The following ZPBP variants were observed in gnomAD, a reference collection of about 807,000 sequenced individuals.
ZPBP encodes the protein zona pellucida binding protein.
A neutral mutation model predicts 44.8 loss-of-function variants in ZPBP; 26 were observed. The ratio of observed to expected loss-of-function variants is 0.58; its 90% CI spans 0.43 to 0.81. The LOEUF (loss-of-function observed/expected upper bound fraction) is 0.81, where lower values mean the gene tolerates loss of function less well. Among genes scored for constraint, ZPBP ranks in the 30% least tolerant of loss-of-function variants. ZPBP has a pLI of 0.00. For synonymous variants in ZPBP, 174 were observed against 153.2 expected (o/e 1.14, Z -1.00); for missense variants, 409 against 434.0 (o/e 0.94, Z 0.51).
intron 7 of ZPBP, among the ~76,000 whole-genome samples, chr7:49,972,248 A>G (rs1203997084): frequency 6.6e-6 from 1 of 151,654 alleles, no homozygotes; most frequent in Non-Finnish European, 1.5e-5. Context: ...AGCCAGAGAA[A>G]TTGGGCAAGA....
At chr7:49,864,954 G>A (rs1032152039) in intron 2 of ZPBP, among the ~76,000 whole-genome samples, 1 of 152,158 alleles carries the variant, frequency 6.6e-6, no homozygotes, top group African/African-American at 2.4e-5. Flanking sequence ...GACAGTTCCT[G>A]TTTGTTTTTC....
chr7:49,901,821 T>C (rs903594482), intron 1 of ZPBP, among the ~76,000 whole-genome samples: 4 of 146,038 alleles, frequency 2.7e-5, no homozygotes, highest in Non-Finnish European at 6.0e-5. Context: ...ATAGACACAT[T>C]GATCAATGGA....
At chr7:49,860,232 G>A (rs1362898309) in intron 2 of ZPBP, among the ~76,000 whole-genome samples, 4 of 151,978 alleles carry the variant, frequency 2.6e-5, no homozygotes, top group Admixed American at 6.5e-5. Context: ...GAAACCCTCC[G>A]CCTGTTAAGT....
chr7:50,031,398 G>C, intron 4 of ZPBP, 88 bp from the exon 5 acceptor site: 1 of 1,001,424 alleles, frequency 1.0e-6, no homozygotes, highest in Non-Finnish European at 1.5e-6. Flanking sequence ...ATCATTATTT[G>C]GTATGAATTC....
intron 6 of ZPBP, among the ~76,000 whole-genome samples, chr7:49,995,917 C>T (rs1270908852): frequency 6.6e-6 from 1 of 152,048 alleles, no homozygotes; most frequent in Non-Finnish European, 1.5e-5. Flanking sequence ...TGGATACAAA[C>T]ATAAAGTTAG....
intron 7 of ZPBP, chr7:49,944,256 A>T: frequency 2.8e-6 from 1 of 362,266 alleles, no homozygotes; most frequent in Non-Finnish European, 5.3e-6. Context: ...TTTGATTGAT[A>T]TTCCAGGGGC....
intron 1 of ZPBP, among the ~76,000 whole-genome samples, chr7:49,904,720 A>G (rs935976262): frequency 6.7e-6 from 1 of 149,740 alleles, no homozygotes; most frequent in Non-Finnish European, 1.5e-5. Context: ...AAAAAATAGC[A>G]ACATAGCATA....
chr7:50,018,343 T>C (rs1327255227), intron 5 of ZPBP, 27 bp from the exon 6 acceptor site: 2 of 1,448,332 alleles, frequency 1.4e-6, no homozygotes, highest in Non-Finnish European at 9.7e-7. Flanking sequence ...TATTTTATCA[T>C]GGGTATAATG....
intron 2 of ZPBP, among the ~76,000 whole-genome samples, chr7:49,856,262 C>G (rs956783097): frequency 5.3e-5 from 8 of 152,156 alleles, no homozygotes; most frequent in Admixed American, 3.3e-4. Flanking sequence ...GCTTGGTGCT[C>G]TCCCCTTGGT....
intron 6 of ZPBP, among the ~76,000 whole-genome samples, chr7:49,987,771 T>TGTGC (rs1241622116): frequency 7.7e-6 from 1 of 129,704 alleles, no homozygotes; most frequent in Non-Finnish European, 1.7e-5. Context: ...TGTGTGTGTG[T>TGTGC]GCAATGTCTA....
intron 7 of ZPBP, among the ~76,000 whole-genome samples, chr7:49,975,294 A>C (rs749023042): frequency 6.6e-6 from 1 of 152,114 alleles, no homozygotes; most frequent in Non-Finnish European, 1.5e-5. Context: ...ATCTAGGAAA[A>C]GGAATGGCCT....
chr7:49,973,410 A>G (rs575975874), intron 7 of ZPBP, among the ~76,000 whole-genome samples: 66 of 152,172 alleles, frequency 4.3e-4, no homozygotes, highest in African/African-American at 1.5e-3. Flanking sequence ...TACAACTCAC[A>G]GAATGGGGAG....
At chr7:49,953,303 G>T (rs1795431674) in intron 7 of ZPBP, among the ~76,000 whole-genome samples, 1 of 151,982 alleles carries the variant, frequency 6.6e-6, no homozygotes, top group African/African-American at 2.4e-5. Flanking sequence ...TTACACAACA[G>T]CAATCAGCAG....
At chr7:50,016,902 A>G (rs1798844250) in intron 6 of ZPBP, among the ~76,000 whole-genome samples, 1 of 152,166 alleles carries the variant, frequency 6.6e-6, no homozygotes, top group South Asian at 2.1e-4. Context: ...ATCCCAAGGA[A>G]GAGAGGTAAT....
chr7:50,059,589 G>C (rs1801143959), intron 3 of ZPBP, among the ~76,000 whole-genome samples: 1 of 152,148 alleles, frequency 6.6e-6, no homozygotes, highest in Non-Finnish European at 1.5e-5. Flanking sequence ...TATTTCAGCA[G>C]AAACACCTCG....
At chr7:49,888,914 AAAAAAC>A (rs1332339687) in intron 2 of ZPBP, among the ~76,000 whole-genome samples, 1 of 152,128 alleles carries the variant, frequency 6.6e-6, no homozygotes, top group Admixed American at 6.5e-5. Context: ...TTCATCTCAA[AAAAAAC>A]AAAAACAAAA....
chr7:49,992,425 T>C (rs1270660116), intron 6 of ZPBP, among the ~76,000 whole-genome samples: 4 of 152,054 alleles, frequency 2.6e-5, no homozygotes, highest in Non-Finnish European at 5.9e-5. Context: ...AAATAAACTA[T>C]TTGAAAACAC....
intron 3 of ZPBP, among the ~76,000 whole-genome samples, chr7:50,072,665 A>G (rs937528754): frequency 2.6e-5 from 4 of 152,268 alleles, no homozygotes; most frequent in African/African-American, 9.6e-5. Context: ...GGGAGAAAGT[A>G]AGGGAAGAAA....
chr7:49,957,017 T>C (rs1795626657), intron 7 of ZPBP, among the ~76,000 whole-genome samples: 1 of 152,202 alleles, frequency 6.6e-6, no homozygotes, highest in African/African-American at 2.4e-5. Flanking sequence ...GATTAGACCA[T>C]GAGGGCTTGG....
Sources: allele counts gnomAD v4.1 joint callset (sites outside exome capture counted in the v4.1 genomes callset), GRCh38; gene constraint gnomAD v4.1.1; transcripts MANE v1.5; gene names NCBI Gene and HGNC (gene_info 2026-07-23, HGNC 2026-07-21).